Variants in TBC1D23 observed in about 807,000 individuals in gnomAD.
The protein encoded by TBC1D23 is TBC1 domain family member 23.
Under a neutral mutation model 91.4 loss-of-function variants are expected in TBC1D23, and 55 were observed. The ratio of observed to expected loss-of-function variants is 0.60; its 90% CI spans 0.48 to 0.75. The LOEUF (loss-of-function observed/expected upper bound fraction) is 0.75. TBC1D23 is among the 30% of genes least tolerant of loss of function. The probability of loss-of-function intolerance (pLI) is 0.00; values close to 1 mark genes in which losing one functional copy is unlikely to be tolerated. For missense variants in TBC1D23, 725 were observed against 836.1 expected, an observed-to-expected ratio of 0.87 and a Z score of 1.64; for synonymous variants, 289 against 281.0, an observed-to-expected ratio of 1.03 and a Z score of -0.28.
chr3:100,301,017 AT>A (rs1287786690), intron 10 of TBC1D23, among the ~76,000 whole-genome samples: 1 of 152,022 alleles, frequency 6.6e-6, no homozygotes, highest in Non-Finnish European at 1.5e-5. Flanking sequence ...TATGTGGGTT[AT>A]TTTTTGTTTT....
In TBC1D23 at chr3:100,261,073, T is replaced by G. The variant is rs1576151459; in HGVS notation, c.53+2T>G. 6.2e-7 allele frequency: 1 copy of G among 1,613,218 alleles called. No homozygotes were observed. The highest frequency in any genetic ancestry group is 2.2e-5 in the East Asian group (1 of 44,858). On this transcript the variant is annotated splice_donor_variant, in intron 1 of 18. Coordinates refer to ENST00000394144, the MANE Select transcript of TBC1D23 (RefSeq NM_001199198.3). LOFTEE classifies it high-confidence loss of function. ...GCCAACGTCGAGCGGCGACGGCTGG[T>G]GAGTGAAAGCCGGGGCTAATTTCCA...
intron 13 of TBC1D23, among the ~76,000 whole-genome samples, chr3:100,309,712 A>G (rs940941840): frequency 3.3e-5 from 5 of 149,272 alleles, no homozygotes; most frequent in Non-Finnish European, 7.4e-5. Flanking sequence ...CACAGGTTCA[A>G]GCAGTTCTCT....
intron 11 of TBC1D23, among the ~76,000 whole-genome samples, chr3:100,304,194 G>A (rs1415608361): frequency 6.6e-6 from 1 of 152,078 alleles, no homozygotes. Flanking sequence ...CCACATTCTG[G>A]ATTTTGCTGA....
intron 11 of TBC1D23, among the ~76,000 whole-genome samples, chr3:100,303,080 C>T (rs1705461440): frequency 6.6e-6 from 1 of 152,174 alleles, no homozygotes; most frequent in African/African-American, 2.4e-5. Context: ...TGATTTTATG[C>T]AACCTGTTTC....
rs1705607047 is a variant in TBC1D23 at position 100,310,506 on chromosome 3, T to C, written c.1517T>C (p.Ile506Thr). 3 of 1,613,636 alleles carry C rather than the reference T, an allele frequency of 1.9e-6. No homozygotes were observed. The highest frequency in any genetic ancestry group is 1.6e-4 in the Middle Eastern group (1 of 6,076). The change falls in exon 14 of 19, where the codon ATC becomes ACC. Residue 506 changes from isoleucine (I) to threonine (T), a missense_variant. Ile to Thr is a moderately conservative substitution (Grantham distance 89, BLOSUM62 -1). Coordinates refer to ENST00000394144, the MANE Select transcript of TBC1D23 (RefSeq NM_001199198.3). ...TKSVNVREKV[I>T]SFIENTSTPV... ...TCCGTTAATGTCAGGGAAAAAGTTA[T>C]CAGTTTTATAGAGAATACATCAACT...
intron 13 of TBC1D23, among the ~76,000 whole-genome samples, chr3:100,309,111 T>C (rs988774050): frequency 9.9e-5 from 15 of 152,012 alleles, no homozygotes; most frequent in African/African-American, 3.6e-4. Context: ...GAGGCGGAGG[T>C]TGCAGTGAGC....
At chr3:100,270,084 G>C (rs1384249491) in intron 1 of TBC1D23, among the ~76,000 whole-genome samples, 1 of 152,182 alleles carries the variant, frequency 6.6e-6, no homozygotes, top group African/African-American at 2.4e-5. Context: ...CTGTTCAACA[G>C]GATTTAGATG....
intron 1 of TBC1D23, chr3:100,279,446 G>T: frequency 2.6e-6 from 1 of 388,774 alleles, no homozygotes; most frequent in Non-Finnish European, 4.7e-6. Context: ...ACCAAACTAA[G>T]GGTAAAATGA....
At position 100,296,920 on chromosome 3, in the gene TBC1D23, G is replaced by A. The variant is rs564029863; in HGVS notation, c.876+645G>A. 2.6e-5 allele frequency among the ~76,000 whole-genome samples: 4 copies of A among 151,168 alleles called. No homozygotes were observed. The South Asian group carries it at 8.4e-4, about 32-fold the overall frequency. On this transcript the variant is annotated intron_variant, in intron 8 of 18. Transcript: ENST00000394144. ...AATCCAGTGGAGGAGGTAGAGTTTT[G>A]CCACTTTTCTCTGGAGTTCAGGCTT...
At chr3:100,282,137 C>A (rs1343403073) in intron 3 of TBC1D23, among the ~76,000 whole-genome samples, 1 of 152,040 alleles carries the variant, frequency 6.6e-6, no homozygotes, top group Non-Finnish European at 1.5e-5. Flanking sequence ...ATGGCAAAAC[C>A]CTGTCTCTAC....
intron 1 of TBC1D23, among the ~76,000 whole-genome samples, chr3:100,278,224 C>T (rs2067665922): frequency 6.6e-6 from 1 of 152,104 alleles, no homozygotes; most frequent in Admixed American, 6.6e-5. Flanking sequence ...TCCTGATTTC[C>T]TGATCCTAGT....
At chr3:100,289,759 T>A (rs1486269567) in intron 4 of TBC1D23, among the ~76,000 whole-genome samples, 7 of 152,204 alleles carry the variant, frequency 4.6e-5, no homozygotes, top group African/African-American at 1.7e-4. Flanking sequence ...TAATTATTTC[T>A]AACTTTTATT....
At chr3:100,316,329 AAG>A in intron 16 of TBC1D23, 142 bp downstream of exon 16, 1 of 670,756 alleles carries the variant, frequency 1.5e-6, no homozygotes, top group East Asian at 2.7e-5. Flanking sequence ...GCTTTCTATT[AAG>A]AGTTTGGTTT....
chr3:100,270,003 T>G (rs1040724479), intron 1 of TBC1D23, among the ~76,000 whole-genome samples: 2 of 152,228 alleles, frequency 1.3e-5, no homozygotes, highest in Non-Finnish European at 2.9e-5. Flanking sequence ...TGTCATGGTT[T>G]AATCTGAGCT....
At chr3:100,269,594 G>A (rs2067584816) in intron 1 of TBC1D23, among the ~76,000 whole-genome samples, 1 of 152,186 alleles carries the variant, frequency 6.6e-6, no homozygotes, top group East Asian at 1.9e-4. Flanking sequence ...AAGACATACT[G>A]TGGTCCTTGA....
intron 4 of TBC1D23, among the ~76,000 whole-genome samples, chr3:100,285,924 G>GTT (rs796210764): frequency 1.4e-5 from 2 of 143,922 alleles, no homozygotes; most frequent in South Asian, 2.2e-4. Context: ...CTAGAGTTTT[G>GTT]TTTTTTTTTT....
intron 12 of TBC1D23, 24 bp from the exon 13 acceptor site, chr3:100,306,413 C>CTTT: frequency 7.8e-7 from 1 of 1,276,274 alleles, no homozygotes; most frequent in Non-Finnish European, 1.1e-6. Flanking sequence ...TTAGGTTTTT[C>CTTT]TTTTTTTTTT....
intron 4 of TBC1D23, among the ~76,000 whole-genome samples, chr3:100,287,688 A>C (rs1357556994): frequency 2.0e-5 from 3 of 152,244 alleles, no homozygotes; most frequent in Non-Finnish European, 4.4e-5. Context: ...AGTATCAAAA[A>C]GTGATAGATT....
intron 3 of TBC1D23, 57 bp downstream of exon 3, chr3:100,281,904 G>T (rs774984269): frequency 1.3e-4 from 129 of 993,526 alleles, no homozygotes; most frequent in Non-Finnish European, 1.9e-4. Context: ...TTTTTGGGTT[G>T]AGGAATCACT....
Sources: allele counts gnomAD v4.1 joint callset (sites outside exome capture counted in the v4.1 genomes callset), GRCh38; gene constraint gnomAD v4.1.1; transcripts MANE v1.5; gene names NCBI Gene and HGNC (gene_info 2026-07-23, HGNC 2026-07-21).